MAP3K7CL: variants seen among roughly 807,000 people sequenced by gnomAD.
MAP3K7CL encodes the protein MAP3K7 C-terminal-like protein.
Under a neutral mutation model 18.6 loss-of-function variants are expected in MAP3K7CL, and 16 were observed. The ratio of observed to expected loss-of-function variants is 0.86; its 90% CI spans 0.58 to 1.31. The LOEUF (loss-of-function observed/expected upper bound fraction) is 1.31. MAP3K7CL is among the 50% of genes most tolerant of loss of function. The pLI is 0.00. For synonymous variants in MAP3K7CL, 65 were observed against 66.8 expected (o/e 0.97, Z 0.13); for missense variants, 163 against 174.4 (o/e 0.93, Z 0.37).
intron 4 of MAP3K7CL, among the ~76,000 whole-genome samples, chr21:29,169,919 C>T (rs565426011): frequency 1.3e-5 from 2 of 152,238 alleles, no homozygotes; most frequent in East Asian, 1.9e-4. Flanking sequence ...TATTGAATGG[C>T]GTCATGTGGA....
rs1355276581 is a variant in MAP3K7CL, at chr21:29,113,471, C to CTCGCT, written c.370+20890_370+20891insTCGCT. Reference sequence around the variant, plus strand: ...GGCATGTGTAAATCTGAACAATCCACCTGGTTGCTCGCTCTGTGCTCACTG... The same window carrying CTCGCT: ...GGCATGTGTAAATCTGAACAATCCACTCGCTCTGGTTGCTCGCTCTGTGCTCACTG... On this transcript the variant is annotated intron_variant, in intron 4 of 6. Coordinates refer to the MAP3K7CL transcript ENST00000286791. Among the ~76,000 whole-genome samples, 11 of 152,278 alleles carry CTCGCT rather than the reference C, an allele frequency of 7.2e-5. No homozygotes were observed. In the East Asian group the frequency reaches 1.9e-3, roughly 27 times the overall value.
intron 3 of MAP3K7CL, among the ~76,000 whole-genome samples, chr21:29,155,743 C>A (rs987627920): frequency 6.6e-6 from 1 of 152,182 alleles, no homozygotes; most frequent in African/African-American, 2.4e-5. Flanking sequence ...CCTCAGGCGG[C>A]AGCGGGAGGA....
rs547921223 is a variant in MAP3K7CL, at chr21:29,148,593, G to A, written c.71-596G>A. ...CTGGGCTCTGGCGCTCCCTAACAAAGCTGTGAATTCTGCTGCAGGGTAGGA... is the reference window on the plus strand; with the variant it reads ...CTGGGCTCTGGCGCTCCCTAACAAAACTGTGAATTCTGCTGCAGGGTAGGA... On this transcript the variant is annotated intron_variant, in intron 2 of 4. Coordinates refer to ENST00000399928, the MANE Select transcript of MAP3K7CL (RefSeq NM_001286620.2). 2.0e-5 allele frequency among the ~76,000 whole-genome samples: 3 copies of A among 152,268 alleles called. No individual in the cohort carries two copies. The East Asian group carries it at 5.8e-4, about 29-fold the overall frequency.
upstream of MAP3K7CL, among the ~76,000 whole-genome samples, chr21:29,128,628 C>T (rs1365196777): frequency 1.3e-5 from 2 of 152,144 alleles, no homozygotes; most frequent in African/African-American, 2.4e-5. Context: ...CGGAGTGCAT[C>T]CTGGTGTAGT....
chr21:29,111,997 T>C (rs2086427536), intron 4 of MAP3K7CL, among the ~76,000 whole-genome samples: 2 of 152,140 alleles, frequency 1.3e-5, no homozygotes, highest in African/African-American at 4.8e-5. Flanking sequence ...TCTTCTTTCA[T>C]TGCAAAATCT....
intron 4 of MAP3K7CL, 126 bp from the exon 5 acceptor site, chr21:29,174,586 T>C (rs2087920679): frequency 1.7e-6 from 2 of 1,186,072 alleles, no homozygotes; most frequent in South Asian, 3.2e-5. Context: ...TGGAGGCAAG[T>C]AGAGATGGGA....
At chr21:29,077,194 C>G (rs1304561782), upstream of MAP3K7CL, among the ~76,000 whole-genome samples, 1 of 152,262 alleles carries the variant, frequency 6.6e-6, no homozygotes, top group Admixed American at 6.5e-5. Flanking sequence ...GCCGTGAGCC[C>G]ACACTCCTCA....
At chr21:29,151,137 G>T (rs1343855084) in intron 3 of MAP3K7CL, among the ~76,000 whole-genome samples, 1 of 151,866 alleles carries the variant, frequency 6.6e-6, no homozygotes, top group Non-Finnish European at 1.5e-5. Flanking sequence ...CTCACAGAGA[G>T]GCTGTCTATG....
rs145338106 is a variant in MAP3K7CL at position 29,110,447 on chromosome 21, A to G, written c.370+17866A>G. 5.2e-3 allele frequency among the ~76,000 whole-genome samples: 792 copies of G among 151,960 alleles called. 7 individuals carry two copies. Among genetic ancestry groups the G allele is most frequent in the African/African-American group, 0.018 (755 of 41,448 alleles). On this transcript the variant is annotated intron_variant, in intron 4 of 6. Transcript: ENST00000286791. ...GGTCTCTATCTGTTGCCCAGGCTGCAGTACAGTGGCGTGATCTCAGCTCAC... is the reference window on the plus strand; with the variant it reads ...GGTCTCTATCTGTTGCCCAGGCTGCGGTACAGTGGCGTGATCTCAGCTCAC...
chr21:29,111,031 C>T (rs1003215469), intron 4 of MAP3K7CL, among the ~76,000 whole-genome samples: 2 of 151,866 alleles, frequency 1.3e-5, no homozygotes, highest in African/African-American at 2.4e-5. Flanking sequence ...CTGAGGTGGG[C>T]GGATCACAAG....
intron 4 of MAP3K7CL, among the ~76,000 whole-genome samples, chr21:29,121,238 C>T (rs2086590121): frequency 6.6e-6 from 1 of 151,840 alleles, no homozygotes; most frequent in South Asian, 2.1e-4. Context: ...GTCTTCCCTT[C>T]ATGGGTTTGT....
At chr21:29,091,947 C>T (rs2086036619) in intron 3 of MAP3K7CL, among the ~76,000 whole-genome samples, 1 of 152,110 alleles carries the variant, frequency 6.6e-6, no homozygotes, top group South Asian at 2.1e-4. Flanking sequence ...GATGAAGAAA[C>T]TGAGCATGGG....
At chr21:29,102,195 G>A (rs1294094663) in intron 4 of MAP3K7CL, among the ~76,000 whole-genome samples, 13 of 152,160 alleles carry the variant, frequency 8.5e-5, no homozygotes, top group South Asian at 4.1e-4. Context: ...AGAGTGTGGC[G>A]AACTGAGTCC....
chr21:29,161,267 G>A (rs527257545), intron 4 of MAP3K7CL, among the ~76,000 whole-genome samples: 20 of 152,232 alleles, frequency 1.3e-4, no homozygotes, highest in Non-Finnish European at 2.9e-4. Flanking sequence ...CTGAGATCAC[G>A]TGCCACTATA....
At chr21:29,084,476 G>A (rs2085890672), upstream of MAP3K7CL, among the ~76,000 whole-genome samples, 1 of 152,128 alleles carries the variant, frequency 6.6e-6, no homozygotes, top group Non-Finnish European at 1.5e-5. Flanking sequence ...ATGCTTATCA[G>A]CCATCATCAT....
chr21:29,160,952 G>T (rs994352301), intron 4 of MAP3K7CL, among the ~76,000 whole-genome samples: 2 of 152,164 alleles, frequency 1.3e-5, no homozygotes, highest in Non-Finnish European at 2.9e-5. Context: ...TATATATCAC[G>T]TGTCACCCTA....
intron 4 of MAP3K7CL, among the ~76,000 whole-genome samples, chr21:29,174,258 T>C (rs779201012): frequency 3.9e-5 from 6 of 152,166 alleles, no homozygotes; most frequent in Non-Finnish European, 8.8e-5. Context: ...CAAAGAAGTC[T>C]ATTGGAGATT....
chr21:29,119,515 T>C (rs2086557488), intron 4 of MAP3K7CL, among the ~76,000 whole-genome samples: 2 of 152,206 alleles, frequency 1.3e-5, no homozygotes, highest in South Asian at 4.1e-4. Context: ...CCTTTTATTG[T>C]CGTCCTGAAG....
At chr21:29,106,684 A>G (rs1170844511) in intron 4 of MAP3K7CL, among the ~76,000 whole-genome samples, 3 of 152,204 alleles carry the variant, frequency 2.0e-5, no homozygotes, top group Non-Finnish European at 4.4e-5. Context: ...CACTGCTGCC[A>G]CTAGTCCCTC....
Sources: allele counts gnomAD v4.1 joint callset (sites outside exome capture counted in the v4.1 genomes callset), GRCh38; gene constraint gnomAD v4.1.1; transcripts MANE v1.5; gene names NCBI Gene and HGNC (gene_info 2026-07-23, HGNC 2026-07-21).